Variants in LRMDA observed in about 807,000 individuals in gnomAD.
The protein encoded by LRMDA is leucine-rich melanocyte differentiation-associated protein.
LRMDA carries 18 observed loss-of-function variants against 29.8 expected under a neutral mutation model. The ratio of observed to expected loss-of-function variants is 0.60; its 90% CI spans 0.42 to 0.90. The LOEUF (loss-of-function observed/expected upper bound fraction) is 0.90. LRMDA is among the 40% of genes least tolerant of loss of function. The pLI is 0.00. For synonymous variants in LRMDA, 125 were observed against 109.4 expected (o/e 1.14, Z -0.89); for missense variants, 273 against 273.9 (o/e 1.00, Z 0.02).
At position 75,659,596 on chromosome 10, in the gene LRMDA, T is replaced by A. The variant is rs530022895; in HGVS notation, c.131+221102T>A. Among the ~76,000 whole-genome samples the A allele has an allele frequency of 3.9e-4, 60 of 152,206 alleles. 1 individual carries two copies. In the South Asian group the frequency reaches 0.01, roughly 26 times the overall value. On this transcript the variant is annotated intron_variant, in intron 2 of 6. Transcript: ENST00000611255. Reference sequence around the variant, plus strand: ...TATGTGTAATCTAAAAGAGTCAAACTCCCAGAAGCAGGGAATAGAAATGTG... The same window carrying A: ...TATGTGTAATCTAAAAGAGTCAAACACCCAGAAGCAGGGAATAGAAATGTG...
At chr10:76,483,873 A>G (rs1842756323) in intron 6 of LRMDA, among the ~76,000 whole-genome samples, 1 of 151,902 alleles carries the variant, frequency 6.6e-6, no homozygotes. Context: ...TACTTGATTC[A>G]TCACAATTTA....
intron 4 of LRMDA, among the ~76,000 whole-genome samples, chr10:76,053,528 TAC>T (rs3998131): frequency 0.36 from 55,220 of 151,942 alleles, 11,232 homozygotes; most frequent in Non-Finnish European, 0.45. Flanking sequence ...AAACTTGTAT[TAC>T]ACTCAGGATT....
At chr10:75,818,194 G>A (rs943988275) in intron 2 of LRMDA, among the ~76,000 whole-genome samples, 1 of 152,200 alleles carries the variant, frequency 6.6e-6, no homozygotes, top group Non-Finnish European at 1.5e-5. Flanking sequence ...AGAGTTAGGG[G>A]AGTTAGAGAG....
intron 2 of LRMDA, among the ~76,000 whole-genome samples, chr10:75,837,084 A>T (rs1379529891): frequency 6.6e-6 from 1 of 152,226 alleles, no homozygotes; most frequent in African/African-American, 2.4e-5. Flanking sequence ...ATTGATATAG[A>T]TATAGATATT....
chr10:76,244,254 C>T (rs1243615603), intron 5 of LRMDA, among the ~76,000 whole-genome samples: 1 of 152,204 alleles, frequency 6.6e-6, no homozygotes, highest in African/African-American at 2.4e-5. Context: ...TCACCCAACT[C>T]AGTGCCTGGT....
At chr10:75,918,155 C>T (rs74146936) in intron 2 of LRMDA, among the ~76,000 whole-genome samples, 19,161 of 152,238 alleles carry the variant, frequency 0.13, 1,348 homozygotes, top group Middle Eastern at 0.3. Context: ...AGTGTCACGG[C>T]TCACTGGGGT....
chr10:76,070,445 G>A (rs955889998), intron 5 of LRMDA, among the ~76,000 whole-genome samples: 8 of 152,196 alleles, frequency 5.3e-5, no homozygotes, highest in Non-Finnish European at 1.2e-4. Flanking sequence ...CCTTCTCACT[G>A]CACTCTCCAC....
At chr10:76,249,868 T>C (rs1852442130) in intron 5 of LRMDA, among the ~76,000 whole-genome samples, 1 of 152,218 alleles carries the variant, frequency 6.6e-6, no homozygotes, top group Non-Finnish European at 1.5e-5. Context: ...AATGGCATGA[T>C]CTTAGCTCAC....
intron 2 of LRMDA, among the ~76,000 whole-genome samples, chr10:75,899,932 A>G (rs768279284): frequency 3.9e-5 from 6 of 152,222 alleles, no homozygotes; most frequent in Non-Finnish European, 8.8e-5. Context: ...TAATTTGCAT[A>G]GATATTTGTG....
intron 6 of LRMDA, among the ~76,000 whole-genome samples, chr10:76,421,481 A>C (rs971449374): frequency 1.7e-4 from 26 of 152,174 alleles, no homozygotes; most frequent in South Asian, 6.2e-4. Context: ...TTTAATGGTG[A>C]TATATAGACT....
intron 6 of LRMDA, among the ~76,000 whole-genome samples, chr10:76,354,507 C>T (rs1485226693): frequency 6.6e-6 from 1 of 152,146 alleles, no homozygotes; most frequent in African/African-American, 2.4e-5. Flanking sequence ...ACTTATACAT[C>T]AAATCCCATA....
chr10:75,821,034 T>C (rs1356977660), intron 2 of LRMDA, among the ~76,000 whole-genome samples: 2 of 152,036 alleles, frequency 1.3e-5, no homozygotes, highest in Non-Finnish European at 2.9e-5. Flanking sequence ...TCTAACAACA[T>C]CAAAAAAATT....
At chr10:75,493,018 G>A (rs780197305) in intron 2 of LRMDA, among the ~76,000 whole-genome samples, 17 of 151,982 alleles carry the variant, frequency 1.1e-4, no homozygotes, top group Non-Finnish European at 1.8e-4. Context: ...TCATGGCCTC[G>A]GTAAAAGAAA....
At chr10:76,382,396 A>G (rs1255853068) in intron 6 of LRMDA, among the ~76,000 whole-genome samples, 1 of 152,184 alleles carries the variant, frequency 6.6e-6, no homozygotes, top group Non-Finnish European at 1.5e-5. Flanking sequence ...CCCAAAGACA[A>G]TCACTTGGTG....
At chr10:75,902,933 C>T (rs1845699935) in intron 2 of LRMDA, among the ~76,000 whole-genome samples, 2 of 152,102 alleles carry the variant, frequency 1.3e-5, no homozygotes, top group Non-Finnish European at 2.9e-5. Context: ...AATGTCCCCA[C>T]TGAATCCAGA....
At chr10:75,883,581 G>T (rs997519277) in intron 2 of LRMDA, 11 of 152,086 alleles carry the variant, frequency 7.2e-5, no homozygotes, top group Non-Finnish European at 1.3e-4. Context: ...CATTGCAGGG[G>T]TGGGCGTTGG....
At chr10:75,737,580 T>A (rs1479854628) in intron 2 of LRMDA, among the ~76,000 whole-genome samples, 1 of 152,218 alleles carries the variant, frequency 6.6e-6, no homozygotes, top group Non-Finnish European at 1.5e-5. Context: ...GTTTTGTTTT[T>A]AAACCCAGAG....
At chr10:76,046,397 C>T (rs1401159464) in intron 3 of LRMDA, among the ~76,000 whole-genome samples, 1 of 152,140 alleles carries the variant, frequency 6.6e-6, no homozygotes, top group African/African-American at 2.4e-5. Context: ...CCCCCTCTGA[C>T]TTTTCTCTTT....
At chr10:75,680,800 A>C (rs1455221292) in intron 2 of LRMDA, among the ~76,000 whole-genome samples, 2 of 152,134 alleles carry the variant, frequency 1.3e-5, no homozygotes, top group African/African-American at 4.8e-5. Context: ...ACTTGAGCCC[A>C]GGAGTCTGAG....
Sources: allele counts gnomAD v4.1 joint callset (sites outside exome capture counted in the v4.1 genomes callset), GRCh38; gene constraint gnomAD v4.1.1; transcripts MANE v1.5; gene names NCBI Gene and HGNC (gene_info 2026-07-23, HGNC 2026-07-21).